The following PLCXD3 variants were observed in gnomAD, a reference collection of about 807,000 sequenced individuals.
The protein encoded by PLCXD3 is phosphatidylinositol specific phospholipase C X domain containing 3.
PLCXD3 carries 19 observed loss-of-function variants against 25.5 expected under a neutral mutation model. The ratio of observed to expected loss-of-function variants is 0.75; its 90% confidence interval spans 0.52 to 1.09. The LOEUF is 1.09. PLCXD3 is among the 50% of genes least tolerant of loss of function. The pLI, the probability that PLCXD3 is intolerant of heterozygous loss-of-function variation, is 0.00. For missense variants in PLCXD3, 411 were observed against 388.1 expected (o/e 1.06, Z -0.50); for synonymous variants, 174 against 137.6 (o/e 1.26, Z -1.85).
intron 1 of PLCXD3, among the ~76,000 whole-genome samples, chr5:41,455,440 A>C (rs770833502): frequency 4.6e-5 from 7 of 151,898 alleles, no homozygotes; most frequent in Admixed American, 6.6e-5. Context: ...AAGAATGCTC[A>C]TGCTGTCTCA....
chr5:41,391,465 G>A (rs939367572), intron 1 of PLCXD3, among the ~76,000 whole-genome samples: 1 of 152,130 alleles, frequency 6.6e-6, no homozygotes, highest in Non-Finnish European at 1.5e-5. Flanking sequence ...GGGCCAGAAG[G>A]GAACCTGCTG....
chr5:41,331,626 C>G (rs898153770), intron 2 of PLCXD3, among the ~76,000 whole-genome samples: 2 of 152,128 alleles, frequency 1.3e-5, no homozygotes, highest in Admixed American at 1.3e-4. Flanking sequence ...AAAGAGCCCG[C>G]ATCCCCAAGT....
At chr5:41,360,398 G>T (rs185446141) in intron 2 of PLCXD3, among the ~76,000 whole-genome samples, 16 of 151,876 alleles carry the variant, frequency 1.1e-4, no homozygotes, top group African/African-American at 3.6e-4. Context: ...TTGTTGGTGA[G>T]CTGGTGTGAT....
intron 1 of PLCXD3, among the ~76,000 whole-genome samples, chr5:41,457,758 C>T (rs1206754692): frequency 2.0e-5 from 3 of 151,864 alleles, no homozygotes; most frequent in African/African-American, 7.3e-5. Context: ...AAAACTCATA[C>T]CATAACAGGT....
chr5:41,474,737 C>T (rs1748242691), intron 1 of PLCXD3, among the ~76,000 whole-genome samples: 1 of 152,208 alleles, frequency 6.6e-6, no homozygotes, highest in African/African-American at 2.4e-5. Context: ...ACCACTACTA[C>T]CTGAATTTCT....
At chr5:41,396,156 G>A (rs1745997797) in intron 1 of PLCXD3, among the ~76,000 whole-genome samples, 1 of 152,158 alleles carries the variant, frequency 6.6e-6, no homozygotes, top group African/African-American at 2.4e-5. Context: ...GTTTGGCTGT[G>A]TCCCCACCCA....
intron 1 of PLCXD3, among the ~76,000 whole-genome samples, chr5:41,463,314 A>G (rs1483247684): frequency 1.3e-5 from 2 of 151,972 alleles, no homozygotes; most frequent in African/African-American, 4.8e-5. Context: ...TGAGAGCCGT[A>G]TTCTGGGTTA....
At chr5:41,377,090 G>A (rs931544109) in intron 2 of PLCXD3, among the ~76,000 whole-genome samples, 6 of 152,100 alleles carry the variant, frequency 3.9e-5, no homozygotes, top group Admixed American at 1.3e-4. Flanking sequence ...GTTTGCTTTT[G>A]TGAATAAACG....
chr5:41,431,130 G>A (rs1468155898), intron 1 of PLCXD3, among the ~76,000 whole-genome samples: 1 of 152,146 alleles, frequency 6.6e-6, no homozygotes, highest in Non-Finnish European at 1.5e-5. Flanking sequence ...TTTCTGGGCT[G>A]ACCTCATCAG....
intron 1 of PLCXD3, among the ~76,000 whole-genome samples, chr5:41,505,274 T>C (rs1448321629): frequency 2.0e-5 from 3 of 152,140 alleles, no homozygotes; most frequent in African/African-American, 4.8e-5. Context: ...AATTATAGTA[T>C]CAAACAACTG....
At chr5:41,495,343 G>A (rs1436681171) in intron 1 of PLCXD3, among the ~76,000 whole-genome samples, 1 of 152,118 alleles carries the variant, frequency 6.6e-6, no homozygotes, top group Non-Finnish European at 1.5e-5. Flanking sequence ...AAAATTTTTG[G>A]GCAACTTGCT....
rs111267943 is a variant in PLCXD3, at chr5:41,358,399, G to T, written c.812+23427C>A. On this transcript the variant is annotated intron_variant, in intron 2 of 2. Transcript: ENST00000377801. The stretch of plus-strand genomic sequence containing the variant: ...TAGTTTCTGAGATTTTAGTGCACCC[G>T]TCGCCTGAGCAGTGTACCCTGCATC... 2.6e-5 allele frequency among the ~76,000 whole-genome samples: 4 copies of T among 151,968 alleles called. No homozygotes were observed. The East Asian group carries it at 5.8e-4, about 22-fold the overall frequency.
chr5:41,476,421 T>C (rs1437761761), intron 1 of PLCXD3, among the ~76,000 whole-genome samples: 4 of 152,230 alleles, frequency 2.6e-5, no homozygotes, highest in Non-Finnish European at 5.9e-5. Context: ...CTTAACCATC[T>C]AGGTGTCTAG....
intron 1 of PLCXD3, among the ~76,000 whole-genome samples, chr5:41,388,683 C>T (rs1745715197): frequency 6.6e-6 from 1 of 151,812 alleles, no homozygotes; most frequent in Admixed American, 6.6e-5. Context: ...AATAAGAAAA[C>T]TAAAACTGAC....
At chr5:41,356,078 A>T (rs1272727242) in intron 2 of PLCXD3, among the ~76,000 whole-genome samples, 1 of 152,092 alleles carries the variant, frequency 6.6e-6, no homozygotes, top group Non-Finnish European at 1.5e-5. Flanking sequence ...CAGCCTGCCT[A>T]ACATGGCAAA....
At chr5:41,508,526 C>T (rs905476793) in intron 1 of PLCXD3, among the ~76,000 whole-genome samples, 1 of 152,198 alleles carries the variant, frequency 6.6e-6, no homozygotes, top group Non-Finnish European at 1.5e-5. Context: ...TGCCAGCACT[C>T]CCTGCTTCAT....
chr5:41,504,887 G>A (rs1749023109), intron 1 of PLCXD3, among the ~76,000 whole-genome samples: 1 of 152,214 alleles, frequency 6.6e-6, no homozygotes, highest in African/African-American at 2.4e-5. Flanking sequence ...AGGTATTTGG[G>A]AGGAGTTGAA....
chr5:41,421,726 CA>C (rs900767334), intron 1 of PLCXD3, among the ~76,000 whole-genome samples: 2 of 151,798 alleles, frequency 1.3e-5, no homozygotes, highest in Non-Finnish European at 2.9e-5. Context: ...AACAAACAAA[CA>C]AACAAAAAAG....
chr5:41,326,487 T>C (rs1406657637), intron 2 of PLCXD3, among the ~76,000 whole-genome samples: 1 of 152,144 alleles, frequency 6.6e-6, no homozygotes, highest in Non-Finnish European at 1.5e-5. Flanking sequence ...TACCATCTCC[T>C]CCTCAACCTC....
Sources: allele counts gnomAD v4.1 joint callset (sites outside exome capture counted in the v4.1 genomes callset), GRCh38; gene constraint gnomAD v4.1.1; transcripts MANE v1.5; gene names NCBI Gene and HGNC (gene_info 2026-07-23, HGNC 2026-07-21).